VWA5B2: variants seen among roughly 807,000 people sequenced by gnomAD.
VWA5B2 encodes the protein von Willebrand factor A domain containing 5B2.
VWA5B2 carries 93 observed loss-of-function variants against 118.5 expected under a neutral mutation model. The observed-to-expected ratio is 0.79, with a 90% CI of 0.66 to 0.93. The LOEUF is 0.93. VWA5B2 is among the 40% of genes least tolerant of loss of function. VWA5B2 has a pLI of 0.00. For missense variants in VWA5B2, 1,546 were observed against 1,672.8 expected (o/e 0.92, Z 1.32); for synonymous variants, 708 against 716.3 (o/e 0.99, Z 0.19).
Position 184,239,775 on chromosome 3 carries a change from T to C in VWA5B2, c.2479T>C (p.Leu827=), listed in dbSNP as rs1167329864. Residue 827 remains leucine, a synonymous_variant, in exon 16 of 20, where the codon TTG becomes CTG. Coordinates refer to ENST00000691901, the MANE Select transcript of VWA5B2 (RefSeq NM_001390846.1). The surrounding 1 kb of genome is among the most constrained non-coding windows in gnomAD (Gnocchi z 5.1). The part of the protein sequence containing the change: ...LFTAVPPSGE[L]APPAVPPQAP... Reference sequence around the variant, plus strand: ...CACGGCTGTGCCTCCTAGTGGGGAGTTGGCCCCTCCAGCAGTGCCTCCCCA... The same window carrying C: ...CACGGCTGTGCCTCCTAGTGGGGAGCTGGCCCCTCCAGCAGTGCCTCCCCA... 1.2e-5 allele frequency: 19 copies of C among 1,535,342 alleles called. No individual in the cohort carries two copies. Among genetic ancestry groups the C allele is most frequent in the Middle Eastern group, 1.7e-4 (1 of 5,928 alleles).
rs1168659575 is a variant in VWA5B2, at chr3:184,237,498, C to T, written c.1719+87C>T. On this transcript the variant is annotated intron_variant, in intron 12 of 19. Coordinates refer to ENST00000691901, the MANE Select transcript of VWA5B2 (RefSeq NM_001390846.1). The surrounding 1 kb of genome is among the most constrained non-coding windows in gnomAD (Gnocchi z 5.6). ...GAAGTCCCCGCATCTCTTCCAAACCCTTTTTCCATTCTCTGTGCCTCTCTC... is the reference window on the plus strand; with the variant it reads ...GAAGTCCCCGCATCTCTTCCAAACCTTTTTTCCATTCTCTGTGCCTCTCTC... 2 of 1,361,874 alleles carry T rather than the reference C, an allele frequency of 1.5e-6. No homozygotes were observed. The highest frequency in any genetic ancestry group is 2.0e-6 in the Non-Finnish European group (2 of 1,007,012). 84.4% of individuals were successfully genotyped at this position (1,361,874 alleles called of 1,614,324 possible).
chr3:184,241,748 G>A lies in VWA5B2; in HGVS notation c.3439G>A (p.Asp1147Asn), dbSNP rs1161344651. 1.3e-6 allele frequency: 2 copies of A among 1,484,574 alleles called. No individual in the cohort carries two copies. The highest frequency in any genetic ancestry group is 1.8e-6 in the Non-Finnish European group (2 of 1,120,354). 92.0% of individuals were successfully genotyped at this position (1,484,574 alleles called of 1,614,324 possible). A position where few individuals can be genotyped will look rare whatever the true frequency, so the allele number is the denominator to read the frequency against. ...CCAGGTGGACAGTGGGCGGGGCTCA[G>A]ACACCGAGGCCTCCGAGGGGGCGGA... is the stretch of plus-strand genomic sequence containing the variant. Reference protein sequence around the residue: ...PGQVDSGRGSDTEASEGAEGL... With the variant: ...PGQVDSGRGSNTEASEGAEGL... The change falls in exon 20 of 20, where the codon GAC becomes AAC. Residue 1147 changes from aspartate (D) to asparagine (N), a missense_variant. Around this residue, in one of 3 missense-constraint regions of VWA5B2, gnomAD observed 763 missense variants for 766.6 expected, o/e 1.00. Coordinates refer to ENST00000691901, the MANE Select transcript of VWA5B2 (RefSeq NM_001390846.1). The surrounding 1 kb of genome is among the most constrained non-coding windows in gnomAD (Gnocchi z 5.1).
rs1718021628 is a variant in VWA5B2 at position 184,236,555 on chromosome 3, T to C, written c.1421+4T>C. ...GGTGGCACAGGGGGACAGCCAGGTA[T>C]GGGATGGGCAGAACCAGATGCGTAA... On this transcript the variant is annotated splice_donor_region_variant and intron_variant, in intron 10 of 19. Transcript: ENST00000691901. The C allele has an allele frequency of 6.4e-7, 1 of 1,551,030 alleles. No individual in the cohort carries two copies. The highest frequency in any genetic ancestry group is 1.2e-5 in the South Asian group (1 of 84,042).
At chr3:184,232,819 C>G (rs1396373008) in intron 3 of VWA5B2, 2 of 281,172 alleles carry the variant, frequency 7.1e-6, no homozygotes, top group African/African-American at 4.5e-5. Flanking sequence ...AGATGTCTAT[C>G]CACAAGGGAT....
chr3:184,230,021 T>C (rs1332235091), intron 1 of VWA5B2, among the ~76,000 whole-genome samples: 1 of 152,134 alleles, frequency 6.6e-6, no homozygotes, highest in Non-Finnish European at 1.5e-5. Flanking sequence ...CGGCGCCCCA[T>C]CCACCCTGCC....
Position 184,238,543 on chromosome 3 carries a change from A to G in VWA5B2, c.1892-20A>G, listed in dbSNP as rs368422572. 3.6e-5 allele frequency: 56 copies of G among 1,540,866 alleles called. No homozygotes were observed. In the African/African-American group the frequency reaches 5.5e-4, roughly 15 times the overall value. Reference sequence around the variant, plus strand: ...CTGGGAGGGGTCAGGGCTAGGGCCCATTCTACTGCCTCCCAGCAGGTACTG... The same window carrying G: ...CTGGGAGGGGTCAGGGCTAGGGCCCGTTCTACTGCCTCCCAGCAGGTACTG... On this transcript the variant is annotated intron_variant, in intron 13 of 19. Transcript: ENST00000691901. This position sits in a 1 kb window ranked among gnomAD's most constrained non-coding sequence, Gnocchi z 5.0.
chr3:184,241,392 C>T lies in VWA5B2; in HGVS notation c.3168C>T (p.Asp1056=). Residue 1056 remains aspartate, a synonymous_variant, in exon 19 of 20, where the codon GAC becomes GAT. Transcript: ENST00000691901. This position sits in a 1 kb window ranked among gnomAD's most constrained non-coding sequence, Gnocchi z 5.1. ...QANNSEGSDH[D]YLPLVRLQEA... is the part of the protein sequence containing the mutation. ...ACAACAGTGAAGGCAGCGACCATGACTACCTGCCCTTGGTGAGGACTCGGG... is the reference window on the plus strand; with the variant it reads ...ACAACAGTGAAGGCAGCGACCATGATTACCTGCCCTTGGTGAGGACTCGGG... The T allele has an allele frequency of 6.3e-7, 1 of 1,580,200 alleles. No individual in the cohort carries two copies. The highest frequency in any genetic ancestry group is 1.2e-5 in the South Asian group (1 of 86,038).
chr3:184,239,200 G>A lies in VWA5B2; in HGVS notation c.2203-194G>A, dbSNP rs1718307258. Among the ~76,000 whole-genome samples the A allele has an allele frequency of 6.6e-6, 1 of 152,210 alleles. No homozygotes were observed. The highest frequency in any genetic ancestry group is 2.4e-5 in the African/African-American group (1 of 41,450). On this transcript the variant is annotated intron_variant, in intron 14 of 19. Coordinates refer to ENST00000691901, the MANE Select transcript of VWA5B2 (RefSeq NM_001390846.1). This position sits in a 1 kb window ranked among gnomAD's most constrained non-coding sequence, Gnocchi z 5.1. ...AACAACCACAAGTGGGAAATAGGGA[G>A]TGGAGTGGGATGATGCTGGGAAGGG...
Position 184,231,136 on chromosome 3 carries a change from G to A in VWA5B2, c.310+219G>A, listed in dbSNP as rs550282593. 3.9e-5 allele frequency among the ~76,000 whole-genome samples: 6 copies of A among 152,372 alleles called. No individual in the cohort carries two copies. The East Asian group carries it at 1.2e-3, about 29-fold the overall frequency. Reference sequence around the variant, plus strand: ...GTTCACAGCCTGGGAGACAGACACAGCAGGCAGCACAGGGCTTGCGGGGGC... The same window carrying A: ...GTTCACAGCCTGGGAGACAGACACAACAGGCAGCACAGGGCTTGCGGGGGC... On this transcript the variant is annotated intron_variant, in intron 3 of 19. Coordinates refer to ENST00000691901, the MANE Select transcript of VWA5B2 (RefSeq NM_001390846.1).
Position 184,241,789 on chromosome 3 carries a change from C to T in VWA5B2, c.3480C>T (p.Thr1160=), listed in dbSNP as rs1037894552. ...AGGGGGCGGAAGGGCTGGGCGGCAC[C>T]GACCTGCGGGGCCGGACCTGGGCCA... ...ASEGAEGLGG[T]DLRGRTWATA... The change falls in exon 20 of 20, where the codon ACC becomes ACT. Residue 1160 remains threonine (T), a synonymous_variant. Transcript: ENST00000691901. This position sits in a 1 kb window ranked among gnomAD's most constrained non-coding sequence, Gnocchi z 5.1. The T allele has an allele frequency of 2.0e-6, 3 of 1,494,682 alleles. No individual in the cohort carries two copies. The highest frequency in any genetic ancestry group is 1.3e-5 in the South Asian group (1 of 75,690). 92.6% of individuals were successfully genotyped at this position (1,494,682 alleles called of 1,614,324 possible). A position where few individuals can be genotyped will look rare whatever the true frequency, so the allele number is the denominator to read the frequency against.
In VWA5B2 at chr3:184,237,093, C is replaced by A; in HGVS notation, c.1534-133C>A. 9.9e-7 allele frequency: 1 copy of A among 1,006,024 alleles called. No individual in the cohort carries two copies. The highest frequency in any genetic ancestry group is 1.4e-6 in the Non-Finnish European group (1 of 694,334). The allele number at this position is 1,006,024 out of a possible 1,614,324, so 62.3% of individuals were successfully genotyped here. ...TCCTACCCTCATTCCTTCTCCTGAC[C>A]CCAGCCTGGCCCTGTGCCCCATCAG... On this transcript the variant is annotated intron_variant, in intron 11 of 19. Transcript: ENST00000691901. This position sits in a 1 kb window ranked among gnomAD's most constrained non-coding sequence, Gnocchi z 5.6.
Position 184,239,115 on chromosome 3 carries a change from A to G in VWA5B2, c.2202+242A>G, listed in dbSNP as rs1231661936. ...GAAAGTCAGAGCCATATCTGGAAGA[A>G]TAAGCACGAGTTAGCCATGCAGAGA... On this transcript the variant is annotated intron_variant, in intron 14 of 19. Coordinates refer to ENST00000691901, the MANE Select transcript of VWA5B2 (RefSeq NM_001390846.1). The surrounding 1 kb of genome is among the most constrained non-coding windows in gnomAD (Gnocchi z 5.1). Among the ~76,000 whole-genome samples, 1 of 152,232 alleles carries G rather than the reference A, an allele frequency of 6.6e-6. No individual in the cohort carries two copies. Among genetic ancestry groups the G allele is most frequent in the Non-Finnish European group, 1.5e-5 (1 of 68,050 alleles).
rs1718769443 is a variant in VWA5B2, at chr3:184,241,982, C to T, written c.3673C>T (p.His1225Tyr). The T allele has an allele frequency of 6.5e-7, 1 of 1,550,384 alleles. No individual in the cohort carries two copies. The highest frequency in any genetic ancestry group is 8.7e-7 in the Non-Finnish European group (1 of 1,146,956). Residue 1225 changes from histidine to tyrosine, a missense_variant, in exon 20 of 20, where the codon CAC becomes TAC. Physicochemically the swap from His to Tyr is moderately conservative, Grantham distance 83. This residue lies in a region of VWA5B2 where 763 missense variants were observed against 766.6 expected (regional missense o/e 1.00). Transcript: ENST00000691901. The surrounding 1 kb of genome is among the most constrained non-coding windows in gnomAD (Gnocchi z 5.1). The stretch of plus-strand genomic sequence containing the variant: ...CCGAGGGCTCTTCCTGCTACTGCGC[C>T]ACTGGGACCAAAACCTGCAGCTACA... Reference protein sequence around the residue: ...AARGLFLLLRHWDQNLQLHLL... With the variant: ...AARGLFLLLRYWDQNLQLHLL...
At position 184,235,207 on chromosome 3, in the gene VWA5B2, G is replaced by A; in HGVS notation, c.1000G>A (p.Ala334Thr). The A allele has an allele frequency of 2.6e-6, 4 of 1,551,700 alleles. No homozygotes were observed. Among genetic ancestry groups the A allele is most frequent in the Non-Finnish European group, 3.5e-6 (4 of 1,146,982 alleles). ...HKDILLNPVL[A>T]LSFCPDLSSK... The stretch of plus-strand genomic sequence containing the variant: ...GGACATCCTGCTGAACCCCGTGCTG[G>A]CGCTGAGCTTCTGCCCAGACCTGAG... Residue 334 changes from alanine (A) to threonine (T), a missense_variant, in exon 8 of 20, where the codon GCG (alanine) becomes ACG (threonine). Ala to Thr is a moderately conservative substitution (Grantham distance 58). Transcript: ENST00000691901.
chr3:184,234,773 T>C lies in VWA5B2; in HGVS notation c.945+18T>C. 2 of 1,550,960 alleles carry C rather than the reference T, an allele frequency of 1.3e-6. No homozygotes were observed. Among genetic ancestry groups the C allele is most frequent in the Admixed American group, 2.0e-5 (1 of 50,904 alleles). On this transcript the variant is annotated intron_variant, in intron 7 of 19. Transcript: ENST00000691901. Reference sequence around the variant, plus strand: ...ACCGGCAGGTACCGCCATAGGAGCCTGGCCTGGCCCCTGGCCTTGGCTGCA... The same window carrying C: ...ACCGGCAGGTACCGCCATAGGAGCCCGGCCTGGCCCCTGGCCTTGGCTGCA...
chr3:184,234,875 C>A, intron 7 of VWA5B2, 120 bp downstream of exon 7: 1 of 1,399,452 alleles, frequency 7.1e-7, no homozygotes, highest in Non-Finnish European at 9.6e-7. Context: ...TAAGATCTCT[C>A]CACAGCTGCC....
intron 17 of VWA5B2, 35 bp downstream of exon 17, chr3:184,240,963 C>G: frequency 6.4e-7 from 1 of 1,551,506 alleles, no homozygotes; most frequent in Non-Finnish European, 8.7e-7. Context: ...TCAGGTGCAG[C>G]TCTCACCTCA....
chr3:184,231,134 C>A (rs964442131), intron 3 of VWA5B2, among the ~76,000 whole-genome samples: 1 of 152,240 alleles, frequency 6.6e-6, no homozygotes, highest in Non-Finnish European at 1.5e-5. Flanking sequence ...GAGACAGACA[C>A]AGCAGGCAGC....
rs1457640848 is a variant in VWA5B2 at position 184,241,696 on chromosome 3, C to G, written c.3387C>G (p.Ser1129=). Residue 1129 remains serine (S), a synonymous_variant, in exon 20 of 20, where the codon TCC becomes TCG. Coordinates refer to ENST00000691901, the MANE Select transcript of VWA5B2 (RefSeq NM_001390846.1). This position sits in a 1 kb window ranked among gnomAD's most constrained non-coding sequence, Gnocchi z 5.1. ...GTGCCACGGCCTCCTGCAGCCCGTC[C>G]CCCAGCTCGGGCTCTGAGGGGCCAG... ...GDSATASCSP[S]PSSGSEGPGQ... is the part of the protein sequence containing the mutation. 4.0e-6 allele frequency: 6 copies of G among 1,515,636 alleles called. No homozygotes were observed. The highest frequency in any genetic ancestry group is 2.0e-5 in the Admixed American group (1 of 49,066). The allele number at this position is 1,515,636 out of a possible 1,614,324, so 93.9% of individuals were successfully genotyped here. A position where few individuals can be genotyped will look rare whatever the true frequency, so the allele number is the denominator to read the frequency against.
Sources: allele counts gnomAD v4.1 joint callset (sites outside exome capture counted in the v4.1 genomes callset), GRCh38; gene constraint gnomAD v4.1.1; regional missense constraint gnomAD v4.1.1; non-coding constraint Gnocchi (gnomAD v3.1); transcripts MANE v1.5; gene names NCBI Gene and HGNC (gene_info 2026-07-23, HGNC 2026-07-21).